The following CCSER1 variants were observed in gnomAD, a reference collection of about 807,000 sequenced individuals.
CCSER1 encodes coiled-coil serine rich protein 1.
Under a neutral mutation model 82.0 loss-of-function variants are expected in CCSER1, and 41 were observed. The ratio of observed to expected loss-of-function variants is 0.50; its 90% CI spans 0.39 to 0.65. The LOEUF (loss-of-function observed/expected upper bound fraction) is 0.65, where lower values mean the gene tolerates loss of function less well. CCSER1 is among the 30% of genes least tolerant of loss of function. CCSER1 has a pLI of 0.00. For synonymous variants in CCSER1, 414 were observed against 383.9 expected, an observed-to-expected ratio of 1.08 and a Z score of -0.92; for missense variants, 1,119 against 1,064.2, an observed-to-expected ratio of 1.05 and a Z score of -0.72.
chr4:91,371,320 C>A (rs932192991), intron 10 of CCSER1, among the ~76,000 whole-genome samples: 1 of 150,636 alleles, frequency 6.6e-6, no homozygotes, highest in South Asian at 2.2e-4. Flanking sequence ...CCCAACACTA[C>A]CTTTCTCAGC....
At chr4:90,238,719 T>C (rs959518725) in intron 1 of CCSER1, among the ~76,000 whole-genome samples, 48 of 152,208 alleles carry the variant, frequency 3.2e-4, no homozygotes, top group African/African-American at 1.1e-3. Context: ...TTGAACAATA[T>C]GATCTCTGTA....
chr4:90,641,970 A>G (rs1726621532), intron 6 of CCSER1: 1 of 341,062 alleles, frequency 2.9e-6, no homozygotes, highest in Non-Finnish European at 6.6e-6. Context: ...TTAATGTTTC[A>G]CTTGTAAAAC....
At chr4:90,436,086 A>G (rs950437885) in intron 4 of CCSER1, among the ~76,000 whole-genome samples, 7 of 152,276 alleles carry the variant, frequency 4.6e-5, no homozygotes, top group South Asian at 2.1e-4. Flanking sequence ...TCACTTACAT[A>G]TAAGATAGCT....
At chr4:90,785,685 TA>T (rs1156554063) in intron 7 of CCSER1, among the ~76,000 whole-genome samples, 1 of 151,948 alleles carries the variant, frequency 6.6e-6, no homozygotes, top group Non-Finnish European at 1.5e-5. Flanking sequence ...CAATGCCAAT[TA>T]AAACTATACG....
In CCSER1 at chr4:90,519,364, T is replaced by C. The variant is rs1355347; in HGVS notation, c.1724+51010T>C. Among the ~76,000 whole-genome samples, 983 of 152,016 alleles carry C rather than the reference T, an allele frequency of 6.5e-3. 10 individuals carry two copies. Among genetic ancestry groups the C allele is most frequent in the South Asian group, 0.028 (133 of 4,830 alleles). ...TCCCAGAAAAAATGAAATGATACAG[T>C]TGAGTGACAATTTATATTATTCTAA... On this transcript the variant is annotated intron_variant, in intron 5 of 10. Transcript: ENST00000509176.
At chr4:90,684,932 C>A (rs1734537574) in intron 6 of CCSER1, among the ~76,000 whole-genome samples, 1 of 152,124 alleles carries the variant, frequency 6.6e-6, no homozygotes. Context: ...GCCTTTCCAG[C>A]CACATGGAAC....
At chr4:90,147,708 A>C (rs1294793027) in intron 1 of CCSER1, among the ~76,000 whole-genome samples, 2 of 152,190 alleles carry the variant, frequency 1.3e-5, no homozygotes, top group African/African-American at 4.8e-5. Flanking sequence ...CAAACATTTG[A>C]AAACATTTTC....
At chr4:90,289,369 T>C (rs1483416097) in intron 1 of CCSER1, among the ~76,000 whole-genome samples, 2 of 151,884 alleles carry the variant, frequency 1.3e-5, no homozygotes, top group African/African-American at 2.4e-5. Context: ...TTTTCAAAGT[T>C]ATTTTAGTAA....
chr4:91,120,679 A>G (rs957286013), intron 10 of CCSER1, among the ~76,000 whole-genome samples: 5 of 151,942 alleles, frequency 3.3e-5, no homozygotes, highest in African/African-American at 9.7e-5. Context: ...CTGGGAAGTC[A>G]TCTACAGACA....
At chr4:90,767,285 A>C (rs1751392072) in intron 7 of CCSER1, among the ~76,000 whole-genome samples, 1 of 151,546 alleles carries the variant, frequency 6.6e-6, no homozygotes, top group African/African-American at 2.4e-5. Context: ...TTCTAAAAGA[A>C]GCAAGTGCAA....
Position 90,770,883 on chromosome 4 carries a change from G to A in CCSER1, c.2011-44879G>A, listed in dbSNP as rs554106839. Reference sequence around the variant, plus strand: ...AATTTCTTGCTCAATAGTTTACTAAGTCTGAATAGAACAAATCATTTTAAC... The same window carrying A: ...AATTTCTTGCTCAATAGTTTACTAAATCTGAATAGAACAAATCATTTTAAC... On this transcript the variant is annotated intron_variant, in intron 7 of 10. Transcript: ENST00000509176. Among the ~76,000 whole-genome samples the A allele has an allele frequency of 5.9e-5, 9 of 152,190 alleles. No individual in the cohort carries two copies. The East Asian group carries it at 1.7e-3, about 29-fold the overall frequency.
At chr4:90,698,903 G>A (rs778693108) in intron 6 of CCSER1, among the ~76,000 whole-genome samples, 3 of 152,016 alleles carry the variant, frequency 2.0e-5, no homozygotes, top group Non-Finnish European at 4.4e-5. Context: ...CTAGGAGTTT[G>A]AGAACAGCCT....
chr4:91,406,991 A>G (rs1752742298), intron 10 of CCSER1, among the ~76,000 whole-genome samples: 1 of 152,160 alleles, frequency 6.6e-6, no homozygotes, highest in South Asian at 2.1e-4. Flanking sequence ...AAAGCAGACA[A>G]TCCTCACTGT....
At chr4:90,485,789 A>G (rs1447909261) in intron 5 of CCSER1, among the ~76,000 whole-genome samples, 1 of 152,116 alleles carries the variant, frequency 6.6e-6, no homozygotes, top group Non-Finnish European at 1.5e-5. Flanking sequence ...GTAAGGGAGA[A>G]AATACAGTAT....
intron 3 of CCSER1, among the ~76,000 whole-genome samples, chr4:90,354,776 A>G (rs905050113): frequency 5.3e-5 from 8 of 150,416 alleles, no homozygotes; most frequent in Non-Finnish European, 8.9e-5. Context: ...GAAATGTTCA[A>G]ATAGAATTTA....
chr4:90,239,372 G>C (rs1157603652), intron 1 of CCSER1, among the ~76,000 whole-genome samples: 1 of 152,164 alleles, frequency 6.6e-6, no homozygotes, highest in Non-Finnish European at 1.5e-5. Context: ...AGAAAGATCA[G>C]CACGTTAATG....
intron 6 of CCSER1, among the ~76,000 whole-genome samples, chr4:90,701,849 C>T (rs555015851): frequency 6.6e-6 from 1 of 152,276 alleles, no homozygotes; most frequent in South Asian, 2.1e-4. Context: ...GCTGAAGTTG[C>T]TTATCAGCTT....
chr4:90,362,581 A>AT (rs1745557223), intron 3 of CCSER1, among the ~76,000 whole-genome samples: 1 of 152,200 alleles, frequency 6.6e-6, no homozygotes, highest in African/African-American at 2.4e-5. Flanking sequence ...GAATATTGGA[A>AT]TATTAGAATG....
At chr4:90,191,975 A>AT (rs1397565406) in intron 1 of CCSER1, among the ~76,000 whole-genome samples, 1 of 152,118 alleles carries the variant, frequency 6.6e-6, no homozygotes, top group African/African-American at 2.4e-5. Context: ...AAAACAACAT[A>AT]TAAAAGACTT....
Sources: gnomAD v4.1 joint callset for allele counts (sites outside exome capture counted in the v4.1 genomes callset) on GRCh38, gnomAD v4.1.1 for gene constraint, MANE v1.5 for transcripts, NCBI Gene and HGNC (gene_info 2026-07-23, HGNC 2026-07-21) for gene names.